The following DEUP1 variants were observed in gnomAD, a reference collection of about 807,000 sequenced individuals.
DEUP1 encodes coiled-coil domain containing 67.
Under a neutral mutation model 87.4 loss-of-function variants are expected in DEUP1, and 82 were observed. The ratio of observed to expected loss-of-function variants is 0.94; its 90% CI spans 0.78 to 1.13. The LOEUF is 1.13. Among genes scored for constraint, DEUP1 ranks in the 50% most tolerant of loss-of-function variants. DEUP1 has a pLI of 0.00. For synonymous variants in DEUP1, 214 were observed against 222.7 expected, an observed-to-expected ratio of 0.96 and a Z score of 0.35; for missense variants, 663 against 681.5, an observed-to-expected ratio of 0.97 and a Z score of 0.30.
chr11:93,334,465 G>C (rs116165213), intron 2 of DEUP1, among the ~76,000 whole-genome samples: 1 of 152,120 alleles, frequency 6.6e-6, no homozygotes, highest in Non-Finnish European at 1.5e-5. Context: ...GATAATAAAC[G>C]TATAAATTTG....
chr11:93,408,417 A>C lies in DEUP1; in HGVS notation c.1513A>C (p.Asn505His). The part of the protein sequence containing the change: ...AYQSQIKVEQ[N>H]EERLSHDCEP... ...TCAAAGCCAAATAAAAGTGGAACAA[A>C]ATGAAGAGAGGTATGCTGGCTCCAT... Residue 505 changes from asparagine (N) to histidine (H), a missense_variant, in exon 12 of 14, where the codon AAT (asparagine) becomes CAT (histidine). By Grantham distance (68) the Asn-to-His change is moderately conservative (BLOSUM62 1). Transcript: ENST00000298050. 6.5e-7 allele frequency: 1 copy of C among 1,545,574 alleles called. No homozygotes were observed. Among genetic ancestry groups the C allele is most frequent in the Non-Finnish European group, 8.7e-7 (1 of 1,144,490 alleles).
intron 2 of DEUP1, among the ~76,000 whole-genome samples, chr11:93,353,875 C>T (rs1944757038): frequency 6.6e-6 from 1 of 152,148 alleles, no homozygotes; most frequent in Admixed American, 6.5e-5. Flanking sequence ...GGCCTCTGGG[C>T]CTGTGATGGG....
intron 4 of DEUP1, among the ~76,000 whole-genome samples, chr11:93,361,575 G>A (rs1430965526): frequency 6.6e-6 from 1 of 152,008 alleles, no homozygotes; most frequent in African/African-American, 2.4e-5. Flanking sequence ...CCAATAGACT[G>A]TGATAAATTA....
chr11:93,367,830 G>A (rs1423571893), intron 5 of DEUP1, among the ~76,000 whole-genome samples: 1 of 152,132 alleles, frequency 6.6e-6, no homozygotes, highest in Non-Finnish European at 1.5e-5. Context: ...CATTTTTTGA[G>A]AATGTTTAAA....
chr11:93,355,318 T>G, intron 2 of DEUP1, 53 bp from the exon 3 acceptor site: 2 of 1,511,166 alleles, frequency 1.3e-6, no homozygotes, highest in Non-Finnish European at 1.8e-6. Context: ...TAATTTTTTT[T>G]GCCCTCACAT....
At chr11:93,373,623 A>ATG (rs1565316282) in intron 7 of DEUP1, among the ~76,000 whole-genome samples, 2,249 of 106,788 alleles carry the variant, frequency 0.021, 66 homozygotes, top group African/African-American at 0.073. Context: ...GTATATATAT[A>ATG]CGTATATATA....
At chr11:93,382,649 C>T (rs1348760858) in intron 7 of DEUP1, among the ~76,000 whole-genome samples, 2 of 152,150 alleles carry the variant, frequency 1.3e-5, no homozygotes, top group Non-Finnish European at 2.9e-5. Context: ...CAAGTGAAAG[C>T]AGATGCACTT....
chr11:93,362,465 A>C (rs953365998), intron 4 of DEUP1, among the ~76,000 whole-genome samples: 2 of 151,994 alleles, frequency 1.3e-5, no homozygotes, highest in Non-Finnish European at 2.9e-5. Context: ...AAAATGCTTA[A>C]CATCATTAGT....
At position 93,389,125 on chromosome 11, in the gene DEUP1, G is replaced by C; in HGVS notation, c.1041G>C (p.Lys347Asn). Residue 347 changes from lysine to asparagine, a missense_variant and splice_region_variant, in exon 9 of 14, where the codon AAG becomes AAC. By Grantham distance (94) the Lys-to-Asn change is moderately conservative (BLOSUM62 0). Coordinates refer to ENST00000298050, the MANE Select transcript of DEUP1 (RefSeq NM_181645.4). ...CAAATCATGAAAAAGAATTGAACAA[G>C]GTATGAAAAATAATGAGCTCCATTC... ...DQPNHEKELN[K>N]IRSQLQQVEE... The C allele has an allele frequency of 6.5e-7, 1 of 1,549,226 alleles. No individual in the cohort carries two copies. The highest frequency in any genetic ancestry group is 8.8e-7 in the Non-Finnish European group (1 of 1,133,892).
At chr11:93,359,281 AC>A (rs1174427016) in intron 4 of DEUP1, among the ~76,000 whole-genome samples, 1 of 152,138 alleles carries the variant, frequency 6.6e-6, no homozygotes, top group Non-Finnish European at 1.5e-5. Context: ...ACTTTACCAC[AC>A]CCTGCCTTGA....
Position 93,408,382 on chromosome 11 carries a change from G to T in DEUP1, c.1478G>T (p.Arg493Ile), listed in dbSNP as rs139654175. 615 of 1,569,480 alleles carry T rather than the reference G, an allele frequency of 3.9e-4. No individual in the cohort carries two copies. The highest frequency in any genetic ancestry group is 1.2e-3 in the Admixed American group (65 of 53,076). ...TNQNTYEETG[R>I]YAYQSQIKVE... Reference sequence around the variant, plus strand: ...CAAAACACCTATGAAGAAACAGGAAGATATGCCTATCAAAGCCAAATAAAA... The same window carrying T: ...CAAAACACCTATGAAGAAACAGGAATATATGCCTATCAAAGCCAAATAAAA... The change falls in exon 12 of 14, where the codon AGA becomes ATA. Residue 493 changes from arginine (R) to isoleucine (I), a missense_variant. Transcript: ENST00000298050.
intron 7 of DEUP1, among the ~76,000 whole-genome samples, chr11:93,372,708 G>A (rs1474921040): frequency 6.6e-6 from 1 of 152,176 alleles, no homozygotes. Context: ...GCTTTAAGGA[G>A]GGAGGTCTTA....
At chr11:93,414,615 AAG>A (rs1473187405) in intron 12 of DEUP1, among the ~76,000 whole-genome samples, 1 of 152,196 alleles carries the variant, frequency 6.6e-6, no homozygotes, top group Admixed American at 6.5e-5. Flanking sequence ...AGAATAGAAA[AAG>A]AGTATCTATT....
intron 11 of DEUP1, among the ~76,000 whole-genome samples, chr11:93,399,560 TAAAATAAA>T (rs1431067569): frequency 1.3e-5 from 2 of 151,766 alleles, no homozygotes; most frequent in African/African-American, 4.8e-5. Flanking sequence ...AGTTTGCTGT[TAAAATAAA>T]AAAATAAAAA....
chr11:93,380,408 G>A (rs570460202), intron 7 of DEUP1, among the ~76,000 whole-genome samples: 5 of 151,750 alleles, frequency 3.3e-5, no homozygotes, highest in Non-Finnish European at 7.4e-5. Flanking sequence ...GTTTTGTTTT[G>A]TTTTGTTTTT....
At chr11:93,376,121 G>T (rs1305171620) in intron 7 of DEUP1, among the ~76,000 whole-genome samples, 1 of 151,930 alleles carries the variant, frequency 6.6e-6, no homozygotes, top group African/African-American at 2.4e-5. Context: ...GGTAATTTTT[G>T]TATTTTTTAG....
intron 2 of DEUP1, among the ~76,000 whole-genome samples, chr11:93,344,245 G>T (rs1479895647): frequency 1.3e-5 from 2 of 151,746 alleles, no homozygotes; most frequent in African/African-American, 4.8e-5. Flanking sequence ...CCTTGTGTAT[G>T]TCTCGGGTCT....
chr11:93,410,657 A>C (rs1238801594), intron 12 of DEUP1, among the ~76,000 whole-genome samples: 1 of 152,196 alleles, frequency 6.6e-6, no homozygotes, highest in African/African-American at 2.4e-5. Flanking sequence ...GCTAGTTGAG[A>C]ATAACTTTGA....
chr11:93,355,647 A>G, intron 3 of DEUP1, 105 bp downstream of exon 3: 1 of 997,728 alleles, frequency 1.0e-6, no homozygotes, highest in Non-Finnish European at 1.4e-6. Flanking sequence ...AGGCATCAGC[A>G]ACAGCATTTA....
Sources: gnomAD v4.1 joint callset for allele counts (sites outside exome capture counted in the v4.1 genomes callset) on GRCh38, gnomAD v4.1.1 for gene constraint, MANE v1.5 for transcripts, NCBI Gene and HGNC (gene_info 2026-07-23, HGNC 2026-07-21) for gene names.